Variants in CLCF1 observed in about 807,000 individuals in gnomAD.
CLCF1 encodes the protein cardiotrophin-like cytokine factor 1.
Under a neutral mutation model 21.2 loss-of-function variants are expected in CLCF1, and 10 were observed. The observed-to-expected ratio is 0.47, with a 90% confidence interval of 0.29 to 0.80. The LOEUF (loss-of-function observed/expected upper bound fraction) is 0.80, where lower values mean the gene tolerates loss of function less well. CLCF1 is among the 30% of genes least tolerant of loss of function. The pLI, the probability that CLCF1 is intolerant of heterozygous loss-of-function variation, is 0.09. For synonymous variants in CLCF1, 115 were observed against 120.5 expected (o/e 0.95, Z 0.30); for missense variants, 240 against 293.4 (o/e 0.82, Z 1.33).
Position 67,365,493 on chromosome 11 carries a change from G to C in CLCF1, c.321C>G (p.Tyr107Ter). ...AACACAGAAGGTGGCTGTAGGCCTC[G>C]TAGTTCTGGGTCAGCCGCAGTTTGT... is the stretch of plus-strand genomic sequence containing the variant. ...LNDKLRLTQN[Y>*]EAYSHLLCYL... The change falls in exon 3 of 3, where the codon TAC (tyrosine) becomes TAG (stop). Residue 107 changes from tyrosine to a stop codon, truncating the protein, a stop_gained. Transcript: ENST00000312438. LOFTEE classifies it high-confidence loss of function. This position sits in a 1 kb window ranked among gnomAD's most constrained non-coding sequence, Gnocchi z 5.0. The C allele has an allele frequency of 1.2e-6, 2 of 1,614,132 alleles. No homozygotes were observed. Among genetic ancestry groups the C allele is most frequent in the Middle Eastern group, 1.7e-4 (1 of 6,048 alleles).
intron 1 of CLCF1, 42 bp downstream of exon 1, chr11:67,373,482 T>C: frequency 9.1e-7 from 1 of 1,100,954 alleles, no homozygotes; most frequent in South Asian, 1.5e-5. Context: ...TCGTGGCTGC[T>C]TGGCGGGGCG....
chr11:67,367,703 C>A, intron 1 of CLCF1, 77 bp from the exon 2 acceptor site: 1 of 1,553,250 alleles, frequency 6.4e-7, no homozygotes, highest in Non-Finnish European at 8.7e-7. Context: ...CCTCAGGTGT[C>A]TGTCCCCACC....
At chr11:67,367,310 A>G (rs765266094) in intron 2 of CLCF1, 150 bp downstream of exon 2, 2 of 1,255,264 alleles carry the variant, frequency 1.6e-6, no homozygotes, top group Non-Finnish European at 2.3e-6. Context: ...CTAAGAGGGA[A>G]GGGCAGGAGA....
In CLCF1 at chr11:67,364,807, G is replaced by A. The variant is rs1347623675; in HGVS notation, c.*329C>T. 6.2e-6 allele frequency: 2 copies of A among 321,278 alleles called. No individual in the cohort carries two copies. Among genetic ancestry groups the A allele is most frequent in the Non-Finnish European group, 1.2e-5 (2 of 169,804 alleles). 19.9% of individuals were successfully genotyped at this position (321,278 alleles called of 1,614,324 possible). On this transcript the variant is annotated 3_prime_UTR_variant, in exon 3 of 3. Coordinates refer to ENST00000312438, the MANE Select transcript of CLCF1 (RefSeq NM_013246.3). Reference sequence around the variant, plus strand: ...TGCCCTCCAGATGTGCCACCTGAGGGGCTGGGTGGGCACTGGCCAAGTGGT... The same window carrying A: ...TGCCCTCCAGATGTGCCACCTGAGGAGCTGGGTGGGCACTGGCCAAGTGGT...
At chr11:67,370,880 T>G (rs1337295731) in intron 1 of CLCF1, 6 of 985,252 alleles carry the variant, frequency 6.1e-6, no homozygotes, top group Non-Finnish European at 7.2e-6. Flanking sequence ...CTAAGAACTG[T>G]AAGCCCTAAA....
At chr11:67,367,742 CACCAGATGGGA>C (rs1862145337) in intron 1 of CLCF1, 116 bp from the exon 2 acceptor site, 4 of 1,525,524 alleles carry the variant, frequency 2.6e-6, no homozygotes, top group Admixed American at 2.0e-5. Context: ...GAGGGTGGGA[CACCAGATGGGA>C]GGCAGAGGGG....
At chr11:67,371,741 G>A (rs1422365262) in intron 1 of CLCF1, among the ~76,000 whole-genome samples, 4 of 152,152 alleles carry the variant, frequency 2.6e-5, no homozygotes, top group African/African-American at 7.2e-5. Context: ...GTTATCAAGA[G>A]GGGCGTGGGG....
chr11:67,373,119 G>C (rs1445721895), intron 1 of CLCF1, among the ~76,000 whole-genome samples: 1 of 148,404 alleles, frequency 6.7e-6, no homozygotes, highest in South Asian at 2.1e-4. Flanking sequence ...GCCCGGCCTC[G>C]GGCTCCCCCG....
At position 67,373,531 on chromosome 11, in the gene CLCF1, G is replaced by C. The variant is rs760653165; in HGVS notation, c.9C>G (p.Leu3=). The C allele has an allele frequency of 5.6e-6, 8 of 1,433,790 alleles. No homozygotes were observed. The highest frequency in any genetic ancestry group is 2.3e-4 in the Middle Eastern group (1 of 4,380). 88.8% of individuals were successfully genotyped at this position (1,433,790 alleles called of 1,614,324 possible). ...CGGCCGCCTGGCTCCTACCTGCTCGGAGGTCCATGGGGCTGGGGCCGGGCC... is the reference window on the plus strand; with the variant it reads ...CGGCCGCCTGGCTCCTACCTGCTCGCAGGTCCATGGGGCTGGGGCCGGGCC... MD[L]RAGDSWGMLA... is the part of the protein sequence containing the mutation. The change falls in exon 1 of 3, where the codon CTC becomes CTG. Residue 3 remains leucine (L), a synonymous_variant. Coordinates refer to ENST00000312438, the MANE Select transcript of CLCF1 (RefSeq NM_013246.3).
chr11:67,373,915 C>G, upstream of CLCF1: 1 of 963,378 alleles, frequency 1.0e-6, no homozygotes, highest in Non-Finnish European at 1.3e-6. Context: ...GGGAGGCCAT[C>G]AGTCCGTCTG....
At position 67,373,506 on chromosome 11, in the gene CLCF1, C is replaced by A; in HGVS notation, c.16+18G>T. The A allele has an allele frequency of 7.4e-7, 1 of 1,358,438 alleles. No homozygotes were observed. Among genetic ancestry groups the A allele is most frequent in the Non-Finnish European group, 9.8e-7 (1 of 1,021,674 alleles). 84.1% of individuals were successfully genotyped at this position (1,358,438 alleles called of 1,614,324 possible). On this transcript the variant is annotated intron_variant, in intron 1 of 2. Coordinates refer to ENST00000312438, the MANE Select transcript of CLCF1 (RefSeq NM_013246.3). ...CTTGGCGGGGCGGGGGTCGGGGCCTCGGCCGCCTGGCTCCTACCTGCTCGG... is the reference window on the plus strand; with the variant it reads ...CTTGGCGGGGCGGGGGTCGGGGCCTAGGCCGCCTGGCTCCTACCTGCTCGG...
intron 1 of CLCF1, among the ~76,000 whole-genome samples, chr11:67,373,242 G>A (rs1213154200): frequency 2.6e-5 from 4 of 152,012 alleles, no homozygotes; most frequent in African/African-American, 7.2e-5. Flanking sequence ...GGCTCCTACG[G>A]CCCGCCTCGC....
intron 1 of CLCF1, chr11:67,370,726 C>T: frequency 1.0e-6 from 1 of 985,444 alleles, no homozygotes; most frequent in Non-Finnish European, 1.2e-6. Context: ...CTTTAGCCAG[C>T]TGCCCCTCAG....
intron 2 of CLCF1, among the ~76,000 whole-genome samples, 171 bp downstream of exon 2, chr11:67,367,289 G>T (rs542325196): frequency 6.6e-6 from 1 of 152,086 alleles, no homozygotes; most frequent in Non-Finnish European, 1.5e-5. Context: ...ATGGGGAAGT[G>T]GGGGGGCCAC....
At chr11:67,374,077 C>T (rs547164488), upstream of CLCF1, 122 of 986,388 alleles carry the variant, frequency 1.2e-4, no homozygotes, top group Non-Finnish European at 1.4e-4. Context: ...TGCTCCCACC[C>T]TACCTCTGCC....
chr11:67,367,614 C>A lies in CLCF1; in HGVS notation c.29G>T (p.Gly10Val). The change falls in exon 2 of 3, where the codon GGG becomes GTG. Residue 10 changes from glycine (G) to valine (V), a missense_variant. Transcript: ENST00000312438. MDLRAGDSW[G>V]MLACLCTVLW... ...CACCGTGCACAGGCACGCTAACATC[C>A]CCCACGAGTCCCCTGTGGGCAGGAT... 1 of 1,613,304 alleles carries A rather than the reference C, an allele frequency of 6.2e-7. No homozygotes were observed.
intron 1 of CLCF1, chr11:67,367,964 A>T (rs1287569121): frequency 1.0e-5 from 10 of 985,304 alleles, no homozygotes; most frequent in Non-Finnish European, 1.2e-5. Context: ...GGACGGGGCC[A>T]GGCCTAGGGA....
At chr11:67,370,879 G>GT (rs1399380840) in intron 1 of CLCF1, 1 of 985,264 alleles carries the variant, frequency 1.0e-6, no homozygotes, top group East Asian at 1.1e-4. Flanking sequence ...GCTAAGAACT[G>GT]TAAGCCCTAA....
At chr11:67,369,840 G>C in intron 1 of CLCF1, 1 of 985,380 alleles carries the variant, frequency 1.0e-6, no homozygotes, top group African/African-American at 1.7e-5. Flanking sequence ...GAGCCCTGTG[G>C]GACATCCCTA....
Sources: allele counts gnomAD v4.1 joint callset (sites outside exome capture counted in the v4.1 genomes callset), GRCh38; gene constraint gnomAD v4.1.1; non-coding constraint Gnocchi (gnomAD v3.1); transcripts MANE v1.5; gene names NCBI Gene and HGNC (gene_info 2026-07-23, HGNC 2026-07-21).